Variants in ABCC4 observed in about 807,000 individuals in gnomAD.
ABCC4 encodes the protein ATP-binding cassette sub-family C member 4.
In ABCC4, 102 loss-of-function variants were observed where a neutral mutation model predicts 168.5. The observed-to-expected ratio is 0.61, with a 90% CI of 0.52 to 0.71. The LOEUF is 0.71. ABCC4 is among the 30% of genes least tolerant of loss of function. ABCC4 has a pLI of 0.00. For missense variants in ABCC4, 1,402 were observed against 1,605.8 expected (o/e 0.87, Z 2.17); for synonymous variants, 617 against 590.7 (o/e 1.04, Z -0.65).
In ABCC4 at chr13:95,060,840, T is replaced by G. The variant is rs557346482; in HGVS notation, c.3366+1864A>C. Reference sequence around the variant, plus strand: ...GTTTTGCAGCCATCACCACCATCCATTCACAAGACGCTTTTCATCTGACAA... The same window carrying G: ...GTTTTGCAGCCATCACCACCATCCAGTCACAAGACGCTTTTCATCTGACAA... On this transcript the variant is annotated intron_variant, in intron 26 of 30. Coordinates refer to ENST00000645237, the MANE Select transcript of ABCC4 (RefSeq NM_005845.5). 3.9e-5 allele frequency among the ~76,000 whole-genome samples: 6 copies of G among 152,338 alleles called. No homozygotes were observed. In the South Asian group the frequency reaches 1.2e-3, roughly 32 times the overall value.
In ABCC4 at chr13:95,128,934, T is replaced by C. The variant is rs544964010; in HGVS notation, c.2456-12933A>G. Among the ~76,000 whole-genome samples, 8 of 152,244 alleles carry C rather than the reference T, an allele frequency of 5.3e-5. No individual in the cohort carries two copies. In the South Asian group the frequency reaches 1.7e-3, roughly 32 times the overall value. ...ACCTCCCTGGAAGTTCATTTCTTCC[T>C]ATGGTGAAAGAATCAAGGAAAACGG... On this transcript the variant is annotated intron_variant, in intron 19 of 30. Transcript: ENST00000645237.
chr13:95,283,770 T>G (rs2041189533), intron 1 of ABCC4, among the ~76,000 whole-genome samples: 1 of 149,550 alleles, frequency 6.7e-6, no homozygotes, highest in South Asian at 2.1e-4. Flanking sequence ...TGGTGGTGCA[T>G]ACCTGTAATC....
chr13:95,169,886 T>C (rs1037018690), intron 14 of ABCC4, among the ~76,000 whole-genome samples: 20 of 152,322 alleles, frequency 1.3e-4, no homozygotes, highest in Non-Finnish European at 1.8e-4. Flanking sequence ...AGACAGAGTC[T>C]CACTCTGTAG....
chr13:95,166,366 C>T lies in ABCC4; in HGVS notation c.1826G>A (p.Gly609Asp). The part of the protein sequence containing the change: ...AASQILILKD[G>D]KMVQKGTYTE... ...GTAAGTCCCCTTCTGCACCATTTTA[C>T]CCTAAAATAAAAATAAAGAATTTCA... The change falls in exon 15 of 31, where the codon GGT (glycine) becomes GAT (aspartate). Residue 609 changes from glycine to aspartate, a missense_variant and splice_region_variant. Physicochemically the swap from Gly to Asp is moderately conservative, Grantham distance 94. This residue lies in a region of ABCC4 where 1,007 missense variants were observed against 1,127.3 expected (regional missense o/e 0.89). Coordinates refer to ENST00000645237, the MANE Select transcript of ABCC4 (RefSeq NM_005845.5). 6.2e-7 allele frequency: 1 copy of T among 1,609,704 alleles called. No homozygotes were observed. The highest frequency in any genetic ancestry group is 8.5e-7 in the Non-Finnish European group (1 of 1,178,550).
rs1049604360 is a variant in ABCC4, at chr13:95,193,424, G to C, written c.1263+1412C>G. Among the ~76,000 whole-genome samples the C allele has an allele frequency of 1.1e-4, 17 of 152,160 alleles. No individual in the cohort carries two copies. The South Asian group carries it at 1.7e-3, about 15-fold the overall frequency. On this transcript the variant is annotated intron_variant, in intron 9 of 30. Transcript: ENST00000645237. ...GCTGGCAGCTGGGCCACTGGGCTCTGCTCCTGGCAGACATCATCTCCAGCC... is the reference window on the plus strand; with the variant it reads ...GCTGGCAGCTGGGCCACTGGGCTCTCCTCCTGGCAGACATCATCTCCAGCC...
At chr13:95,062,925 T>A in intron 25 of ABCC4, 66 bp from the exon 26 acceptor site, 2 of 1,543,178 alleles carry the variant, frequency 1.3e-6, no homozygotes, top group Admixed American at 2.2e-5. Flanking sequence ...GCAGCAAAAC[T>A]AGGAGAAAAC....
chr13:95,112,631 G>A (rs546791327), intron 20 of ABCC4, among the ~76,000 whole-genome samples: 10 of 152,180 alleles, frequency 6.6e-5, no homozygotes, highest in Admixed American at 3.3e-4. Context: ...TTCCCCTGTC[G>A]ATCAGTCAGC....
chr13:95,060,076 G>A (rs571002290), intron 26 of ABCC4, among the ~76,000 whole-genome samples: 45 of 152,298 alleles, frequency 3.0e-4, no homozygotes, highest in African/African-American at 9.9e-4. Flanking sequence ...TTCCTGGGTC[G>A]CATTAAGTAT....
intron 9 of ABCC4, among the ~76,000 whole-genome samples, chr13:95,190,179 T>C (rs1268635896): frequency 6.6e-6 from 1 of 151,872 alleles, no homozygotes; most frequent in Non-Finnish European, 1.5e-5. Flanking sequence ...AAACCATCTC[T>C]TAAAGAAAAA....
rs562173841 is a variant in ABCC4 at position 95,077,290 on chromosome 13, C to A, written c.2687-1739G>T. Among the ~76,000 whole-genome samples the A allele has an allele frequency of 3.3e-5, 5 of 152,278 alleles. No individual in the cohort carries two copies. In the East Asian group the frequency reaches 9.7e-4, roughly 29 times the overall value. Reference sequence around the variant, plus strand: ...GCTACCTGTGTAGCTCCAGAGAAGACCCTGTTAGTAAAACATGGGGTGTCC... The same window carrying A: ...GCTACCTGTGTAGCTCCAGAGAAGAACCTGTTAGTAAAACATGGGGTGTCC... On this transcript the variant is annotated intron_variant, in intron 21 of 30. Transcript: ENST00000645237.
chr13:95,288,580 C>T (rs552094307), intron 1 of ABCC4, among the ~76,000 whole-genome samples: 29 of 152,088 alleles, frequency 1.9e-4, no homozygotes, highest in Middle Eastern at 3.4e-3. Context: ...CTGAGGTGGG[C>T]GGATCACCTG....
intron 1 of ABCC4, among the ~76,000 whole-genome samples, chr13:95,267,810 A>G (rs2040724386): frequency 6.6e-6 from 1 of 152,212 alleles, no homozygotes; most frequent in Admixed American, 6.5e-5. Context: ...CATATCACAA[A>G]GACCAATCCT....
Position 95,083,297 on chromosome 13 carries a change from T to A in ABCC4, c.2536-7A>T. 1 of 1,611,626 alleles carries A rather than the reference T, an allele frequency of 6.2e-7. No individual in the cohort carries two copies. Among genetic ancestry groups the A allele is most frequent in the South Asian group, 1.1e-5 (1 of 90,844 alleles). On this transcript the variant is annotated splice_polypyrimidine_tract_variant and splice_region_variant and intron_variant, in intron 20 of 30. Coordinates refer to ENST00000645237, the MANE Select transcript of ABCC4 (RefSeq NM_005845.5). Reference sequence around the variant, plus strand: ...CAACCACTTGTAGCAATGTCTGAAATAGCAGAAGTAGATGCAGGTTTTCCT... The same window carrying A: ...CAACCACTTGTAGCAATGTCTGAAAAAGCAGAAGTAGATGCAGGTTTTCCT...
intron 11 of ABCC4, among the ~76,000 whole-genome samples, chr13:95,180,706 T>C (rs763833845): frequency 6.6e-6 from 1 of 152,226 alleles, no homozygotes; most frequent in Non-Finnish European, 1.5e-5. Flanking sequence ...ATGGTCTTTA[T>C]ATAATGTGTT....
chr13:95,194,903 T>C lies in ABCC4; in HGVS notation c.1196A>G (p.Asn399Ser). 1.9e-6 allele frequency: 3 copies of C among 1,614,132 alleles called. No individual in the cohort carries two copies. The highest frequency in any genetic ancestry group is 2.5e-6 in the Non-Finnish European group (3 of 1,180,028). The change falls in exon 9 of 31, where the codon AAC (asparagine) becomes AGC (serine). Residue 399 changes from asparagine to serine, a missense_variant. Physicochemically the swap from Asn to Ser is conservative, Grantham distance 46. This residue lies in a region of ABCC4 where 1,007 missense variants were observed against 1,127.3 expected (regional missense o/e 0.89). Transcript: ENST00000645237. ...TTTACCATCTGACGGCAGCTGACGG[T>C]TGCGCTGTGATATCTCATCAAGTAG... is the stretch of plus-strand genomic sequence containing the variant. Reference protein sequence around the residue: ...FLLLDEISQRNRQLPSDGKKM... With the variant: ...FLLLDEISQRSRQLPSDGKKM...
chr13:95,241,366 G>GAAAAAAAAAA, intron 3 of ABCC4, among the ~76,000 whole-genome samples: 1 of 145,338 alleles, frequency 6.9e-6, no homozygotes. Context: ...TCCATCTCAG[G>GAAAAAAAAAA]AAAAAAAAAA....
At chr13:95,116,028 C>T (rs2035367175) in intron 19 of ABCC4, 27 bp from the exon 20 acceptor site, 1 of 1,556,418 alleles carries the variant, frequency 6.4e-7, no homozygotes, top group Non-Finnish European at 8.8e-7. Flanking sequence ...TGAAAAATTA[C>T]TCATTTCCCC....
intron 11 of ABCC4, among the ~76,000 whole-genome samples, chr13:95,186,330 C>G (rs775490113): frequency 6.6e-6 from 1 of 152,064 alleles, no homozygotes; most frequent in South Asian, 2.1e-4. Flanking sequence ...AGGGGAGAGA[C>G]GGAGTTGAAT....
chr13:95,189,274 C>T (rs1304525120), intron 9 of ABCC4, among the ~76,000 whole-genome samples: 4 of 151,202 alleles, frequency 2.6e-5, no homozygotes, highest in Non-Finnish European at 4.4e-5. Flanking sequence ...GCTGGGACTA[C>T]AGGCGCCTGC....
Sources: gnomAD v4.1 joint callset for allele counts (sites outside exome capture counted in the v4.1 genomes callset) on GRCh38, gnomAD v4.1.1 for gene constraint, gnomAD v4.1.1 regional missense constraint, MANE v1.5 for transcripts, NCBI Gene and HGNC (gene_info 2026-07-23, HGNC 2026-07-21) for gene names.